Variants in PTPRD observed in about 807,000 individuals in gnomAD.
PTPRD encodes receptor-type tyrosine-protein phosphatase delta.
PTPRD carries 34 observed loss-of-function variants against 214.5 expected under a neutral mutation model. The observed-to-expected ratio is 0.16, with a 90% CI of 0.12 to 0.21. The LOEUF is 0.21. Among genes scored for constraint, PTPRD ranks in the 10% least tolerant of loss-of-function variants. PTPRD has a pLI of 1.00. For synonymous variants in PTPRD, 1,128 were observed against 845.7 expected, an observed-to-expected ratio of 1.33 and a Z score of -5.79; for missense variants, 2,545 against 2,398.7, an observed-to-expected ratio of 1.06 and a Z score of -1.27.
intron 6 of PTPRD, among the ~76,000 whole-genome samples, chr9:9,751,415 C>G (rs901209816): frequency 6.6e-6 from 1 of 152,042 alleles, no homozygotes; most frequent in African/African-American, 2.4e-5. Flanking sequence ...TAACTCATCT[C>G]TACAATGGGA....
intron 5 of PTPRD, among the ~76,000 whole-genome samples, chr9:9,819,746 T>C (rs1222731877): frequency 2.6e-5 from 4 of 152,152 alleles, no homozygotes; most frequent in South Asian, 4.1e-4. Context: ...CTCCCACTTA[T>C]GAGTGAGAAC....
At chr9:9,743,194 A>T (rs904855739) in intron 6 of PTPRD, among the ~76,000 whole-genome samples, 1 of 152,202 alleles carries the variant, frequency 6.6e-6, no homozygotes, top group Admixed American at 6.5e-5. Flanking sequence ...ATGCATTCAT[A>T]AATAAAACAA....
chr9:10,512,439 C>A lies in PTPRD; in HGVS notation c.-600+99959G>T, dbSNP rs140314197. On this transcript the variant is annotated intron_variant, in intron 2 of 45. Transcript: ENST00000381196. ...ATGGGTAAATGCTAATGGAAAGGGC[C>A]GGAGGAAAGGCTTGAAGATGCTATA... Among the ~76,000 whole-genome samples the A allele has an allele frequency of 4.3e-3, 652 of 151,970 alleles. 9 individuals are homozygous for A. Among genetic ancestry groups the A allele is most frequent in the African/African-American group, 0.015 (621 of 41,456 alleles).
chr9:8,703,637 TA>T (rs1325652396), intron 12 of PTPRD, among the ~76,000 whole-genome samples: 2 of 152,172 alleles, frequency 1.3e-5, no homozygotes, highest in Non-Finnish European at 2.9e-5. Context: ...TCACCTCTAT[TA>T]ATTCTATTAA....
At chr9:9,084,169 T>C (rs558152358) in intron 10 of PTPRD, among the ~76,000 whole-genome samples, 1 of 152,256 alleles carries the variant, frequency 6.6e-6, no homozygotes, top group African/African-American at 2.4e-5. Flanking sequence ...CCATCAATGA[T>C]AGACTGGATA....
chr9:8,730,396 C>T (rs1455229078), intron 12 of PTPRD, among the ~76,000 whole-genome samples: 1 of 152,058 alleles, frequency 6.6e-6, no homozygotes, highest in Non-Finnish European at 1.5e-5. Flanking sequence ...AATGGATGAA[C>T]TAAACCATCT....
intron 11 of PTPRD, among the ~76,000 whole-genome samples, chr9:8,778,501 T>A (rs762817451): frequency 6.6e-6 from 1 of 152,184 alleles, no homozygotes; most frequent in African/African-American, 2.4e-5. Flanking sequence ...TGCCCAACAC[T>A]GAAACTGACT....
At chr9:9,327,904 T>TAA (rs35650113) in intron 9 of PTPRD, among the ~76,000 whole-genome samples, 214 of 142,884 alleles carry the variant, frequency 1.5e-3, no homozygotes, top group African/African-American at 4.2e-3. Flanking sequence ...GTTGATGAGC[T>TAA]AAAAAAAAAA....
At chr9:9,322,772 T>C (rs1254488534) in intron 9 of PTPRD, among the ~76,000 whole-genome samples, 1 of 152,266 alleles carries the variant, frequency 6.6e-6, no homozygotes, top group East Asian at 1.9e-4. Flanking sequence ...TCTAGTAATC[T>C]GTACTTTTGT....
At chr9:9,897,247 T>A (rs1380740424) in intron 5 of PTPRD, among the ~76,000 whole-genome samples, 1 of 152,082 alleles carries the variant, frequency 6.6e-6, no homozygotes, top group Non-Finnish European at 1.5e-5. Context: ...GGCAGAGGTA[T>A]GAGTTTTCAA....
intron 3 of PTPRD, among the ~76,000 whole-genome samples, chr9:10,120,823 A>T (rs1347999474): frequency 6.6e-6 from 1 of 152,080 alleles, no homozygotes; most frequent in Non-Finnish European, 1.5e-5. Context: ...TTGCAGGCCA[A>T]ATATTCAACC....
chr9:10,506,022 A>G (rs557013325), intron 2 of PTPRD, among the ~76,000 whole-genome samples: 6 of 152,108 alleles, frequency 3.9e-5, no homozygotes, highest in Non-Finnish European at 8.8e-5. Context: ...AAGATGGTGA[A>G]CATAAATATC....
intron 32 of PTPRD, among the ~76,000 whole-genome samples, chr9:8,461,576 C>G (rs1365019916): frequency 1.3e-5 from 2 of 151,780 alleles, no homozygotes; most frequent in East Asian, 3.9e-4. Context: ...CACTCCTCAT[C>G]TCTTCTCACT....
intron 9 of PTPRD, among the ~76,000 whole-genome samples, chr9:9,239,161 C>A (rs1253553537): frequency 1.3e-5 from 2 of 151,274 alleles, no homozygotes; most frequent in Non-Finnish European, 2.9e-5. Context: ...ACTATAGATA[C>A]CTTTTGGAAA....
intron 3 of PTPRD, among the ~76,000 whole-genome samples, chr9:10,105,150 TATC>T (rs1238008519): frequency 6.6e-6 from 1 of 151,834 alleles, no homozygotes; most frequent in Non-Finnish European, 1.5e-5. Flanking sequence ...TGGGAATTAT[TATC>T]ATTTATTATT....
intron 4 of PTPRD, among the ~76,000 whole-genome samples, chr9:9,951,495 C>T (rs1306404208): frequency 6.6e-6 from 1 of 152,162 alleles, no homozygotes; most frequent in Non-Finnish European, 1.5e-5. Flanking sequence ...AGCGGATAAG[C>T]ATTAAGAATT....
intron 12 of PTPRD, among the ~76,000 whole-genome samples, chr9:8,671,634 A>C (rs1031459829): frequency 2.0e-5 from 3 of 152,166 alleles, no homozygotes; most frequent in Non-Finnish European, 4.4e-5. Context: ...CTGAATACGG[A>C]AATACATTCA....
chr9:10,521,370 G>T (rs1164674912), intron 2 of PTPRD, among the ~76,000 whole-genome samples: 2 of 152,158 alleles, frequency 1.3e-5, no homozygotes, highest in African/African-American at 4.8e-5. Context: ...GTGAGGAGTT[G>T]CTTCTTGTGG....
intron 8 of PTPRD, among the ~76,000 whole-genome samples, chr9:9,409,452 A>C (rs1458834664): frequency 6.6e-6 from 1 of 152,070 alleles, no homozygotes; most frequent in East Asian, 1.9e-4. Context: ...TACCACTTCA[A>C]ATATGCAGTA....
Sources: gnomAD v4.1 joint callset for allele counts (sites outside exome capture counted in the v4.1 genomes callset) on GRCh38, gnomAD v4.1.1 for gene constraint, MANE v1.5 for transcripts, NCBI Gene and HGNC (gene_info 2026-07-23, HGNC 2026-07-21) for gene names.